Variants in GMPS observed in about 807,000 individuals in gnomAD.
GMPS encodes the protein guanosine monophosphate synthase.
In GMPS, 15 loss-of-function variants were observed where a neutral mutation model predicts 77.9. The ratio of observed to expected loss-of-function variants is 0.19; its 90% CI spans 0.13 to 0.30. The LOEUF (loss-of-function observed/expected upper bound fraction) is 0.30, where lower values mean the gene tolerates loss of function less well. Among genes scored for constraint, GMPS ranks in the 10% least tolerant of loss-of-function variants. The probability of loss-of-function intolerance (pLI) is 1.00; values close to 1 mark genes in which losing one functional copy is unlikely to be tolerated. For synonymous variants in GMPS, 224 were observed against 275.9 expected, an observed-to-expected ratio of 0.81 and a Z score of 1.86; for missense variants, 590 against 838.8, an observed-to-expected ratio of 0.70 and a Z score of 3.66.
Position 155,912,078 on chromosome 3 carries a change from T to C in GMPS, c.886+799T>C, listed in dbSNP as rs1577521110. ...ATACTTTTTAAAAACAAGGTGCAATTGATAGTTATAATGAAATGAGGTCAG... is the reference window on the plus strand; with the variant it reads ...ATACTTTTTAAAAACAAGGTGCAATCGATAGTTATAATGAAATGAGGTCAG... On this transcript the variant is annotated intron_variant, in intron 7 of 15. Transcript: ENST00000496455. 3.9e-5 allele frequency among the ~76,000 whole-genome samples: 6 copies of C among 152,302 alleles called. No individual in the cohort carries two copies. In the East Asian group the frequency reaches 9.7e-4, roughly 25 times the overall value.
chr3:155,882,265 C>A (rs1339777975), intron 1 of GMPS, among the ~76,000 whole-genome samples: 1 of 151,996 alleles, frequency 6.6e-6, no homozygotes, highest in Non-Finnish European at 1.5e-5. Flanking sequence ...TTAGGGCCAA[C>A]GATGTTATAT....
Position 155,870,890 on chromosome 3 carries a change from A to G in GMPS, c.20A>G (p.Asp7Gly). 6.7e-7 allele frequency: 1 copy of G among 1,502,550 alleles called. No individual in the cohort carries two copies. The highest frequency in any genetic ancestry group is 8.9e-7 in the Non-Finnish European group (1 of 1,129,054). 93.1% of individuals were successfully genotyped at this position (1,502,550 alleles called of 1,614,324 possible). A position where few individuals can be genotyped will look rare whatever the true frequency, so the allele number is the denominator to read the frequency against. MALCNG[D>G]SKLENAGGDL... ...GCCCCGATGGCTCTGTGCAACGGAG[A>G]CTCCAAGGTCAGCGTGGGGGTCCCT... The change falls in exon 1 of 16, where the codon GAC (aspartate) becomes GGC (glycine). Residue 7 changes from aspartate to glycine, a missense_variant. By Grantham distance (94) the Asp-to-Gly change is moderately conservative. Coordinates refer to ENST00000496455, the MANE Select transcript of GMPS (RefSeq NM_003875.3).
chr3:155,922,579 A>G (rs1755345406), intron 11 of GMPS, among the ~76,000 whole-genome samples: 1 of 152,218 alleles, frequency 6.6e-6, no homozygotes, highest in South Asian at 2.1e-4. Flanking sequence ...AAATCCTTTG[A>G]GTCAGGAATT....
At position 155,926,682 on chromosome 3, in the gene GMPS, C is replaced by T. The variant is rs986580574; in HGVS notation, c.1560+1316C>T. ...ATATATGAATCTGTCAGTTTAAATT[C>T]CCCTTTGCTCTGAATTCATGCAGTT... is the stretch of plus-strand genomic sequence containing the variant. On this transcript the variant is annotated intron_variant, in intron 12 of 15. Transcript: ENST00000496455. Among the ~76,000 whole-genome samples, 7 of 152,212 alleles carry T rather than the reference C, an allele frequency of 4.6e-5. No individual in the cohort carries two copies. In the East Asian group the frequency reaches 7.7e-4, roughly 17 times the overall value.
chr3:155,897,893 A>C (rs757208448), intron 2 of GMPS, 34 bp from the exon 3 acceptor site: 5 of 1,037,634 alleles, frequency 4.8e-6, no homozygotes, highest in Non-Finnish European at 7.6e-6. Context: ...AAAAATTAAC[A>C]GAGATTCTTC....
intron 1 of GMPS, among the ~76,000 whole-genome samples, chr3:155,877,779 G>A (rs898950707): frequency 2.7e-5 from 4 of 146,636 alleles, no homozygotes; most frequent in Non-Finnish European, 5.9e-5. Flanking sequence ...GCTTGATGCT[G>A]TGTCCTCACC....
At chr3:155,887,017 T>C (rs1293426837) in intron 1 of GMPS, among the ~76,000 whole-genome samples, 1 of 152,218 alleles carries the variant, frequency 6.6e-6, no homozygotes, top group Non-Finnish European at 1.5e-5. Context: ...TTTAAGATAT[T>C]AATATTTAAG....
chr3:155,914,033 G>A (rs965945766), intron 7 of GMPS, among the ~76,000 whole-genome samples: 3 of 151,780 alleles, frequency 2.0e-5, no homozygotes, highest in Admixed American at 6.6e-5. Flanking sequence ...TGCAAGCTCC[G>A]CCTCCCGGGT....
intron 1 of GMPS, among the ~76,000 whole-genome samples, chr3:155,886,037 T>C (rs1406362495): frequency 6.6e-6 from 1 of 151,984 alleles, no homozygotes. Context: ...CCCAGGCTGG[T>C]CTCAAACTCC....
At chr3:155,904,294 CTTTTTTTTTTTTCGAGACGGA>C (rs1754812460) in intron 4 of GMPS, among the ~76,000 whole-genome samples, 1 of 145,266 alleles carries the variant, frequency 6.9e-6, no homozygotes, top group Non-Finnish European at 1.5e-5. Context: ...TTTTCTTTTT[CTTTTTTTTTTTTCGAGACGGA>C]GTCTCCCTCT....
chr3:155,914,317 C>T, intron 7 of GMPS, 102 bp from the exon 8 acceptor site: 2 of 823,134 alleles, frequency 2.4e-6, no homozygotes, highest in Non-Finnish European at 1.8e-6. Context: ...GACTGCTCTT[C>T]AGACTGGGAA....
intron 9 of GMPS, among the ~76,000 whole-genome samples, chr3:155,917,654 C>T (rs1755216392): frequency 6.6e-6 from 1 of 152,072 alleles, no homozygotes; most frequent in African/African-American, 2.4e-5. Context: ...GGGTGGATCA[C>T]CTGGGGTCGG....
intron 3 of GMPS, among the ~76,000 whole-genome samples, chr3:155,900,023 C>T (rs949350274): frequency 8.5e-5 from 13 of 152,162 alleles, no homozygotes; most frequent in African/African-American, 2.7e-4. Context: ...CATCTACTAA[C>T]GTCTTGGTGA....
chr3:155,880,822 T>C (rs1025060110), intron 1 of GMPS, among the ~76,000 whole-genome samples: 3 of 152,196 alleles, frequency 2.0e-5, no homozygotes, highest in Admixed American at 1.3e-4. Flanking sequence ...CACGTCTGGC[T>C]CTCTAGAGGT....
At chr3:155,903,293 A>G (rs1012501883) in intron 3 of GMPS, among the ~76,000 whole-genome samples, 2 of 152,244 alleles carry the variant, frequency 1.3e-5, no homozygotes, top group Admixed American at 6.5e-5. Flanking sequence ...TGAAGAGACC[A>G]TTTGAAATCA....
At chr3:155,910,947 T>TA in intron 6 of GMPS, 62 bp downstream of exon 6, 4 of 1,229,574 alleles carry the variant, frequency 3.3e-6, no homozygotes, top group South Asian at 2.9e-5. Flanking sequence ...ATCCAGGAGT[T>TA]AGAGTCCTCA....
At chr3:155,905,898 C>T (rs1293177611) in intron 4 of GMPS, among the ~76,000 whole-genome samples, 1 of 152,072 alleles carries the variant, frequency 6.6e-6, no homozygotes, top group Non-Finnish European at 1.5e-5. Flanking sequence ...TCCTGTGTGT[C>T]TGGTTATACT....
chr3:155,907,791 A>G (rs971896044), intron 5 of GMPS, among the ~76,000 whole-genome samples: 2 of 152,194 alleles, frequency 1.3e-5, no homozygotes, highest in Non-Finnish European at 2.9e-5. Context: ...AGGCATTCCT[A>G]TAAGATGACA....
intron 1 of GMPS, among the ~76,000 whole-genome samples, chr3:155,874,870 G>T (rs1577495412): frequency 7.0e-6 from 1 of 143,816 alleles, no homozygotes; most frequent in Non-Finnish European, 1.5e-5. Context: ...ATCAAATTTT[G>T]CTGTTGTAGT....
Sources: allele counts gnomAD v4.1 joint callset (sites outside exome capture counted in the v4.1 genomes callset), GRCh38; gene constraint gnomAD v4.1.1; transcripts MANE v1.5; gene names NCBI Gene and HGNC (gene_info 2026-07-23, HGNC 2026-07-21).